ERC2: variants seen among roughly 807,000 people sequenced by gnomAD.
The protein encoded by ERC2 is ERC protein 2.
In ERC2, 42 loss-of-function variants were observed where a neutral mutation model predicts 114.8. The observed-to-expected ratio is 0.37, with a 90% CI of 0.29 to 0.47. The LOEUF (loss-of-function observed/expected upper bound fraction) is 0.47. Among genes scored for constraint, ERC2 ranks in the 20% least tolerant of loss-of-function variants. The pLI is 0.99. For synonymous variants in ERC2, 454 were observed against 425.5 expected, an observed-to-expected ratio of 1.07 and a Z score of -0.82; for missense variants, 939 against 1,150.7, an observed-to-expected ratio of 0.82 and a Z score of 2.66.
At chr3:56,215,962 C>T (rs1367103893) in intron 3 of ERC2, among the ~76,000 whole-genome samples, 2 of 151,978 alleles carry the variant, frequency 1.3e-5, no homozygotes, top group African/African-American at 4.8e-5. Context: ...AAAGACACAA[C>T]ATACCAGAAT....
chr3:56,418,742 A>T (rs2061269817), intron 2 of ERC2, among the ~76,000 whole-genome samples: 1 of 152,206 alleles, frequency 6.6e-6, no homozygotes, highest in Non-Finnish European at 1.5e-5. Context: ...TAAATGGGAA[A>T]GTGAAGTGAT....
At chr3:55,964,444 T>C (rs963254737) in intron 12 of ERC2, among the ~76,000 whole-genome samples, 1 of 114,480 alleles carries the variant, frequency 8.7e-6, no homozygotes, top group African/African-American at 3.3e-5. Context: ...CATTCCCTTT[T>C]GAAAGCTACA....
In ERC2 at chr3:56,194,574, G is replaced by A. The variant is rs112585138; in HGVS notation, c.1075-21054C>T. On this transcript the variant is annotated intron_variant, in intron 3 of 17. Transcript: ENST00000288221. ...CTCTGGATCAGTGAGTGAGTGAGTGGTGAGTGAATGTGAAGGCCGAGGACA... is the reference window on the plus strand; with the variant it reads ...CTCTGGATCAGTGAGTGAGTGAGTGATGAGTGAATGTGAAGGCCGAGGACA... 3.2e-3 allele frequency among the ~76,000 whole-genome samples: 481 copies of A among 152,292 alleles called. 1 individual carries two copies. The highest frequency in any genetic ancestry group is 0.011 in the African/African-American group (462 of 41,564).
chr3:55,755,972 C>CT (rs1575499022), intron 14 of ERC2, among the ~76,000 whole-genome samples: 1 of 152,072 alleles, frequency 6.6e-6, no homozygotes. Context: ...TTGCAAACAG[C>CT]TTTTTTCCAT....
intron 2 of ERC2, among the ~76,000 whole-genome samples, chr3:56,395,725 T>C (rs1436626630): frequency 6.6e-6 from 1 of 152,244 alleles, no homozygotes; most frequent in African/African-American, 2.4e-5. Flanking sequence ...CTGTGAAGCC[T>C]GCAGAAACTC....
intron 6 of ERC2, among the ~76,000 whole-genome samples, chr3:56,134,935 TGTTTTTG>T (rs2080418360): frequency 2.0e-5 from 3 of 147,422 alleles, no homozygotes; most frequent in African/African-American, 5.2e-5. Context: ...TTTTTGTTTT[TGTTTTTG>T]TTTTTGTTTT....
At chr3:56,207,430 T>A (rs1016597755) in intron 3 of ERC2, among the ~76,000 whole-genome samples, 3 of 152,144 alleles carry the variant, frequency 2.0e-5, no homozygotes, top group African/African-American at 7.2e-5. Flanking sequence ...ATCCTTATAT[T>A]TCTGTACTTA....
At chr3:56,259,907 A>G (rs2150257722) in intron 3 of ERC2, among the ~76,000 whole-genome samples, 1 of 152,316 alleles carries the variant, frequency 6.6e-6, no homozygotes, top group Middle Eastern at 3.4e-3. Flanking sequence ...GTTACCACAT[A>G]GACCCAAATG....
chr3:56,117,539 C>T (rs2079306701), intron 6 of ERC2, among the ~76,000 whole-genome samples: 1 of 152,172 alleles, frequency 6.6e-6, no homozygotes. Context: ...GCATTGTATC[C>T]ATTTCACCCC....
At chr3:56,294,914 GA>G (rs1213272394) in intron 3 of ERC2, among the ~76,000 whole-genome samples, 1 of 152,174 alleles carries the variant, frequency 6.6e-6, no homozygotes, top group Non-Finnish European at 1.5e-5. Flanking sequence ...TCATTAAAAC[GA>G]AACAAGGAAG....
At chr3:55,858,535 C>G (rs990363032) in intron 14 of ERC2, among the ~76,000 whole-genome samples, 6 of 152,194 alleles carry the variant, frequency 3.9e-5, no homozygotes, top group African/African-American at 1.4e-4. Context: ...CACAATGAAA[C>G]AGAAGATAGG....
At chr3:55,912,023 C>T (rs569086709) in intron 13 of ERC2, among the ~76,000 whole-genome samples, 1 of 152,278 alleles carries the variant, frequency 6.6e-6, no homozygotes, top group South Asian at 2.1e-4. Flanking sequence ...AACCCCCATA[C>T]ATTGGAGTGA....
At chr3:56,316,851 C>T (rs150210621) in intron 2 of ERC2, among the ~76,000 whole-genome samples, 543 of 152,278 alleles carry the variant, frequency 3.6e-3, no homozygotes, top group African/African-American at 0.012. Context: ...TATCTATCAG[C>T]CATTATGCTA....
chr3:56,360,368 C>T (rs1206058433), intron 2 of ERC2, among the ~76,000 whole-genome samples: 1 of 152,100 alleles, frequency 6.6e-6, no homozygotes, highest in African/African-American at 2.4e-5. Context: ...TTCTACTTCT[C>T]TAGACTCTGG....
At chr3:56,108,356 C>T (rs1309215739) in intron 6 of ERC2, among the ~76,000 whole-genome samples, 1 of 151,804 alleles carries the variant, frequency 6.6e-6, no homozygotes, top group Non-Finnish European at 1.5e-5. Context: ...CGCAGAACAA[C>T]ACACAAAAAA....
chr3:56,392,616 G>A (rs2060168859), intron 2 of ERC2, among the ~76,000 whole-genome samples: 1 of 151,998 alleles, frequency 6.6e-6, no homozygotes, highest in Non-Finnish European at 1.5e-5. Context: ...CCTCTTCCAG[G>A]GCAAATTCTC....
At chr3:55,521,035 A>G (rs985247590) in intron 17 of ERC2, among the ~76,000 whole-genome samples, 1 of 152,208 alleles carries the variant, frequency 6.6e-6, no homozygotes, top group African/African-American at 2.4e-5. Flanking sequence ...TCCAATGACA[A>G]GTGTTTACAA....
At chr3:56,025,068 C>T (rs1247375338) in intron 7 of ERC2, among the ~76,000 whole-genome samples, 1 of 152,144 alleles carries the variant, frequency 6.6e-6, no homozygotes, top group East Asian at 1.9e-4. Context: ...CATATTGTTC[C>T]ATGACAGATT....
At chr3:55,775,737 C>T (rs2068557624) in intron 14 of ERC2, among the ~76,000 whole-genome samples, 1 of 152,040 alleles carries the variant, frequency 6.6e-6, no homozygotes, top group Non-Finnish European at 1.5e-5. Flanking sequence ...CAGAAAAATC[C>T]AATGAGAAAA....
Sources: gnomAD v4.1 joint callset for allele counts (sites outside exome capture counted in the v4.1 genomes callset) on GRCh38, gnomAD v4.1.1 for gene constraint, MANE v1.5 for transcripts, NCBI Gene and HGNC (gene_info 2026-07-23, HGNC 2026-07-21) for gene names.